The following MRPL13 variants were observed in gnomAD, a reference collection of about 807,000 sequenced individuals.
MRPL13 encodes the protein mitochondrial ribosomal protein L13, also known as large ribosomal subunit protein uL13m.
Under a neutral mutation model 29.0 loss-of-function variants are expected in MRPL13, and 33 were observed. The observed-to-expected ratio is 1.14, with a 90% CI of 0.86 to 1.52. The LOEUF (loss-of-function observed/expected upper bound fraction) is 1.52. MRPL13 is among the 40% of genes most tolerant of loss of function. The pLI is 0.00. For synonymous variants in MRPL13, 77 were observed against 68.4 expected (o/e 1.13, Z -0.62); for missense variants, 227 against 216.7 (o/e 1.05, Z -0.30).
intron 4 of MRPL13, among the ~76,000 whole-genome samples, chr8:120,424,150 T>G (rs1177217319): frequency 6.6e-6 from 1 of 152,110 alleles, no homozygotes; most frequent in Admixed American, 6.5e-5. Flanking sequence ...AGTCAGCTAA[T>G]GTAGCTATAT....
chr8:120,428,683 C>A (rs533166334), intron 3 of MRPL13, among the ~76,000 whole-genome samples: 1 of 152,172 alleles, frequency 6.6e-6, no homozygotes, highest in East Asian at 1.9e-4. Context: ...AGGACAGGAA[C>A]ATACCCTTTC....
chr8:120,405,342 G>T (rs1368167679), intron 6 of MRPL13, among the ~76,000 whole-genome samples: 1 of 152,176 alleles, frequency 6.6e-6, no homozygotes, highest in Non-Finnish European at 1.5e-5. Context: ...TATAAGAAAG[G>T]GGAGGAGAGG....
intron 6 of MRPL13, among the ~76,000 whole-genome samples, chr8:120,406,555 A>ATGTGTGTGTGTGTGTGTG (rs72150915): frequency 4.8e-5 from 7 of 147,088 alleles, no homozygotes; most frequent in Admixed American, 2.0e-4. Flanking sequence ...ATATGTGTGC[A>ATGTGTGTGTGTGTGTGTG]TGTGTGTGTG....
At chr8:120,397,878 T>C (rs955693022) in intron 6 of MRPL13, among the ~76,000 whole-genome samples, 1 of 152,152 alleles carries the variant, frequency 6.6e-6, no homozygotes, top group Non-Finnish European at 1.5e-5. Context: ...CCAGACTTTT[T>C]CTTTAAGTGG....
At chr8:120,412,491 C>G (rs1348274004) in intron 6 of MRPL13, among the ~76,000 whole-genome samples, 2 of 152,116 alleles carry the variant, frequency 1.3e-5, no homozygotes, top group Non-Finnish European at 2.9e-5. Context: ...ACTGAAGAAA[C>G]TGAGTTGAGA....
chr8:120,430,048 T>C (rs572286931), intron 3 of MRPL13, among the ~76,000 whole-genome samples: 1 of 152,130 alleles, frequency 6.6e-6, no homozygotes, highest in Admixed American at 6.5e-5. Context: ...GATCACCTGA[T>C]GTCAGGAGTT....
rs188976815 is a variant in MRPL13 at position 120,424,726 on chromosome 8, A to T, written c.306+580T>A. Among the ~76,000 whole-genome samples the T allele has an allele frequency of 1.1e-4, 17 of 152,252 alleles. No homozygotes were observed. In the East Asian group the frequency reaches 3.3e-3, roughly 29 times the overall value. On this transcript the variant is annotated intron_variant, in intron 4 of 6. Coordinates refer to ENST00000306185, the MANE Select transcript of MRPL13 (RefSeq NM_014078.6). ...GGCTGCAGTGAGCTATCATTGTGCC[A>T]CTGTGCTCTAGCCTGGGTGACAGAG...
chr8:120,435,410 C>T (rs2130482819), intron 2 of MRPL13, among the ~76,000 whole-genome samples: 1 of 152,070 alleles, frequency 6.6e-6, no homozygotes, highest in African/African-American at 2.4e-5. Flanking sequence ...CCCTTCATGC[C>T]CAGGAGTACC....
rs202151958 is a variant in MRPL13 at position 120,432,127 on chromosome 8, C to T, written c.152-4G>A. 1.0e-5 allele frequency: 16 copies of T among 1,555,838 alleles called. No homozygotes were observed. The highest frequency in any genetic ancestry group is 1.3e-5 in the Non-Finnish European group (15 of 1,156,686). On this transcript the variant is annotated splice_polypyrimidine_tract_variant and splice_region_variant and intron_variant, in intron 2 of 6. Coordinates refer to ENST00000306185, the MANE Select transcript of MRPL13 (RefSeq NM_014078.6). ...ACAACATGATCCCCACAGTCACCTA[C>T]ATTTTAAAAAGAAACAAGATTTTGT... is the stretch of plus-strand genomic sequence containing the variant.
At chr8:120,419,828 TG>T (rs1198397416) in intron 5 of MRPL13, 23 bp downstream of exon 5, 19 of 1,548,316 alleles carry the variant, frequency 1.2e-5, no homozygotes, top group Non-Finnish European at 1.7e-5. Flanking sequence ...GGAAAAGCAT[TG>T]TTACCAATGA....
Position 120,443,312 on chromosome 8 carries a change from G to GC in MRPL13, c.28-5_28-4insG. On this transcript the variant is annotated splice_region_variant and splice_polypyrimidine_tract_variant and intron_variant, in intron 1 of 6. Transcript: ENST00000306185. The stretch of plus-strand genomic sequence containing the variant: ...TTCTAGCAAAAGTGGCCCATTGCTT[G>GC]GGGGGGAAAAAAAAAAAAAAGAAGA... The GC allele has an allele frequency of 6.9e-7, 1 of 1,439,374 alleles. No individual in the cohort carries two copies. Among genetic ancestry groups the GC allele is most frequent in the Non-Finnish European group, 9.2e-7 (1 of 1,092,588 alleles). 89.2% of individuals were successfully genotyped at this position (1,439,374 alleles called of 1,614,324 possible).
intron 6 of MRPL13, among the ~76,000 whole-genome samples, chr8:120,397,375 C>T (rs562315586): frequency 6.6e-6 from 1 of 152,120 alleles, no homozygotes; most frequent in Non-Finnish European, 1.5e-5. Context: ...TGTTGTTCTG[C>T]GGGCCCCACT....
intron 2 of MRPL13, among the ~76,000 whole-genome samples, chr8:120,433,694 A>G (rs1813021901): frequency 6.6e-6 from 1 of 152,096 alleles, no homozygotes; most frequent in South Asian, 2.1e-4. Flanking sequence ...TCTAAGAAGC[A>G]TTTCTCTACT....
intron 6 of MRPL13, among the ~76,000 whole-genome samples, chr8:120,397,895 G>C (rs550007273): frequency 6.6e-6 from 1 of 151,788 alleles, no homozygotes; most frequent in Non-Finnish European, 1.5e-5. Flanking sequence ...GTGGGACCCC[G>C]ATCCATCCCT....
At chr8:120,416,688 T>C (rs1235914302) in intron 5 of MRPL13, among the ~76,000 whole-genome samples, 1 of 152,154 alleles carries the variant, frequency 6.6e-6, no homozygotes, top group East Asian at 1.9e-4. Context: ...ATTAATCTAA[T>C]CTTTACCTAA....
At chr8:120,411,222 T>C (rs1812736381) in intron 6 of MRPL13, among the ~76,000 whole-genome samples, 1 of 152,088 alleles carries the variant, frequency 6.6e-6, no homozygotes, top group Non-Finnish European at 1.5e-5. Flanking sequence ...CTAACACACC[T>C]GGCTAATTTT....
At chr8:120,430,909 C>T (rs1425284151) in intron 3 of MRPL13, among the ~76,000 whole-genome samples, 1 of 152,046 alleles carries the variant, frequency 6.6e-6, no homozygotes, top group Non-Finnish European at 1.5e-5. Context: ...TCAATACTTC[C>T]CTTTATGCTT....
chr8:120,444,518 C>T (rs533414734), intron 1 of MRPL13, among the ~76,000 whole-genome samples: 3 of 152,214 alleles, frequency 2.0e-5, no homozygotes, highest in Admixed American at 1.3e-4. Context: ...CAAAACCTGA[C>T]CACTTTCAAC....
chr8:120,419,604 A>G (rs1482057941), intron 5 of MRPL13: 1 of 250,352 alleles, frequency 4.0e-6, no homozygotes. Flanking sequence ...TTCAAAAGCA[A>G]GCAGTGATTA....
Sources: allele counts gnomAD v4.1 joint callset (sites outside exome capture counted in the v4.1 genomes callset), GRCh38; gene constraint gnomAD v4.1.1; transcripts MANE v1.5; gene names NCBI Gene and HGNC (gene_info 2026-07-23, HGNC 2026-07-21).